WAPL: variants seen among roughly 807,000 people sequenced by gnomAD.
WAPL encodes WAPL cohesin release factor.
Under a neutral mutation model 121.0 loss-of-function variants are expected in WAPL, and 5 were observed. The observed-to-expected ratio is 0.04, with a 90% CI of 0.02 to 0.09. The LOEUF (loss-of-function observed/expected upper bound fraction) is 0.09. Ranked by LOEUF, WAPL falls within the 10% of genes least tolerant of loss-of-function variation. The pLI is 1.00. For synonymous variants in WAPL, 480 were observed against 481.5 expected (o/e 1.00, Z 0.04); for missense variants, 999 against 1,410.8 (o/e 0.71, Z 4.68).
intron 4 of WAPL, among the ~76,000 whole-genome samples, chr10:86,483,204 C>T (rs7095263): frequency 0.87 from 132,921 of 152,080 alleles, 58,542 homozygotes; most frequent in Non-Finnish European, 0.92. Flanking sequence ...GTGGATCACC[C>T]GAGGTCGGGA....
chr10:86,474,505 C>T (rs898475145), intron 4 of WAPL, among the ~76,000 whole-genome samples: 8 of 119,670 alleles, frequency 6.7e-5, no homozygotes, highest in Admixed American at 3.5e-4. Context: ...CAGAGTGAGA[C>T]TCCGTCTCAA....
chr10:86,491,062 T>G (rs866026670), intron 4 of WAPL, among the ~76,000 whole-genome samples: 7 of 148,314 alleles, frequency 4.7e-5, no homozygotes, highest in African/African-American at 1.5e-4. Context: ...GACTCTGTCT[T>G]AAATAAATAA....
At position 86,499,770 on chromosome 10, in the gene WAPL, G is replaced by C. The variant is rs374320302; in HGVS notation, c.1473C>G (p.Pro491=). 5 of 1,603,526 alleles carry C rather than the reference G, an allele frequency of 3.1e-6. No homozygotes were observed. In the African/African-American group the frequency reaches 4.1e-5, roughly 13 times the overall value. Reference sequence around the variant, plus strand: ...CCTGGGAATTATCATTGCTTTCTGGGGGAGGCTGCAAGGAGGGTGATGGAG... The same window carrying C: ...CCTGGGAATTATCATTGCTTTCTGGCGGAGGCTGCAAGGAGGGTGATGGAG... ...KTAPSPSLQP[P]PESNDNSQDS... Residue 491 remains proline (P), a synonymous_variant, in exon 3 of 19, where the codon CCC becomes CCG. Coordinates refer to ENST00000298767, the MANE Select transcript of WAPL (RefSeq NM_015045.5).
intron 16 of WAPL, 57 bp from the exon 17 acceptor site, chr10:86,443,420 AAACC>A (rs1410893307): frequency 6.8e-7 from 1 of 1,471,694 alleles, no homozygotes; most frequent in Non-Finnish European, 9.4e-7. Context: ...AAACCTCACA[AAACC>A]AACCATTCTG....
At chr10:86,458,901 C>T in intron 12 of WAPL, 88 bp downstream of exon 12, 1 of 1,056,330 alleles carries the variant, frequency 9.5e-7, no homozygotes, top group Non-Finnish European at 1.4e-6. Context: ...ATGGAGGAAG[C>T]TAATCCAAAT....
chr10:86,512,294 T>A (rs1026296605), intron 2 of WAPL, among the ~76,000 whole-genome samples: 3 of 152,230 alleles, frequency 2.0e-5, no homozygotes, highest in African/African-American at 7.2e-5. Context: ...ATTAAAAAAA[T>A]TTATTGGCTA....
At chr10:86,499,242 T>C (rs965765979) in intron 3 of WAPL, among the ~76,000 whole-genome samples, 2 of 152,214 alleles carry the variant, frequency 1.3e-5, no homozygotes. Context: ...ACACTTGAAA[T>C]GCTGTACCTT....
At chr10:86,476,207 T>C (rs1408474065) in intron 4 of WAPL, among the ~76,000 whole-genome samples, 2 of 149,134 alleles carry the variant, frequency 1.3e-5, no homozygotes, top group Non-Finnish European at 3.0e-5. Flanking sequence ...CTACTAAAAA[T>C]ACAAAAAATT....
chr10:86,515,542 G>A (rs1464006303), intron 2 of WAPL, among the ~76,000 whole-genome samples: 1 of 152,082 alleles, frequency 6.6e-6, no homozygotes, highest in Non-Finnish European at 1.5e-5. Context: ...CAGCACTTTG[G>A]GAGGCCTAGA....
At chr10:86,493,509 T>C (rs925436764) in intron 4 of WAPL, among the ~76,000 whole-genome samples, 2 of 152,098 alleles carry the variant, frequency 1.3e-5, no homozygotes, top group African/African-American at 4.8e-5. Context: ...TCACATTTTC[T>C]GTATATTTCA....
chr10:86,500,889 T>C, intron 2 of WAPL, 146 bp from the exon 3 acceptor site: 1 of 744,484 alleles, frequency 1.3e-6, no homozygotes, highest in Non-Finnish European at 2.1e-6. Context: ...AACATTTACA[T>C]ATCAGACATT....
At chr10:86,438,848 T>C (rs1849391878) in intron 17 of WAPL, among the ~76,000 whole-genome samples, 2 of 152,202 alleles carry the variant, frequency 1.3e-5, no homozygotes, top group African/African-American at 4.8e-5. Flanking sequence ...AACCCTTCAT[T>C]ATTAGCAAGA....
chr10:86,464,078 T>C (rs763802625), intron 9 of WAPL, among the ~76,000 whole-genome samples: 51 of 152,334 alleles, frequency 3.3e-4, no homozygotes, highest in Middle Eastern at 3.4e-3. Flanking sequence ...AAATTATCTT[T>C]TCATGGCACA....
chr10:86,499,643 T>C lies in WAPL; in HGVS notation c.1525+75A>G, dbSNP rs550781672. On this transcript the variant is annotated intron_variant, in intron 3 of 18. Coordinates refer to ENST00000298767, the MANE Select transcript of WAPL (RefSeq NM_015045.5). ...TCAGAATATGGTTGACCTTGGGTAA[T>C]TGAAACCACAGAAAGTGAAACTGCA... The C allele has an allele frequency of 5.7e-5, 84 of 1,468,710 alleles. No individual in the cohort carries two copies. In the Admixed American group the frequency reaches 6.1e-4, roughly 11 times the overall value. The allele number at this position is 1,468,710 out of a possible 1,614,324, so 91.0% of individuals were successfully genotyped here.
chr10:86,446,023 A>G (rs976859705), intron 16 of WAPL, among the ~76,000 whole-genome samples: 3 of 152,136 alleles, frequency 2.0e-5, no homozygotes, highest in Non-Finnish European at 4.4e-5. Context: ...ACTTAACTGG[A>G]TCTTTCCCGT....
rs1849613078 is a variant in WAPL, at chr10:86,446,187, A to C, written c.3322+55T>G. 5.3e-5 allele frequency: 84 copies of C among 1,594,228 alleles called. 1 individual carries two copies. The South Asian group carries it at 9.3e-4, about 18-fold the overall frequency. ...GCAAATTAAAATAGTTTGAAGAAAAAAACAAAATCAAACCACTATCTTCAA... is the reference window on the plus strand; with the variant it reads ...GCAAATTAAAATAGTTTGAAGAAAACAACAAAATCAAACCACTATCTTCAA... On this transcript the variant is annotated intron_variant, in intron 16 of 18. Transcript: ENST00000298767.
rs1272759477 is a variant in WAPL at position 86,435,876 on chromosome 10, T to C, written c.*1667A>G. On this transcript the variant is annotated 3_prime_UTR_variant, in exon 19 of 19. Coordinates refer to ENST00000298767, the MANE Select transcript of WAPL (RefSeq NM_015045.5). ...GTATTTTGCATTTTAAAATAAAATA[T>C]AACTAATTTAATTTTACGGGTATCA... is the stretch of plus-strand genomic sequence containing the variant. 2.0e-5 allele frequency: 3 copies of C among 152,194 alleles called. No homozygotes were observed. Among genetic ancestry groups the C allele is most frequent in the Non-Finnish European group, 2.9e-5 (2 of 68,024 alleles). The allele number at this position is 152,194 out of a possible 1,614,324, so 9.4% of individuals were successfully genotyped here. A position where few individuals can be genotyped will look rare whatever the true frequency, so the allele number is the denominator to read the frequency against.
intron 1 of WAPL, among the ~76,000 whole-genome samples, chr10:86,520,492 T>A (rs781579966): frequency 6.6e-6 from 1 of 152,130 alleles, no homozygotes; most frequent in Non-Finnish European, 1.5e-5. Context: ...TTATATAATA[T>A]CTCCTCCTGA....
intron 2 of WAPL, among the ~76,000 whole-genome samples, chr10:86,515,185 CGA>C (rs1346440202): frequency 1.3e-5 from 2 of 150,916 alleles, no homozygotes; most frequent in East Asian, 3.9e-4. Flanking sequence ...TGCTTGAACC[CGA>C]GAGGCGGAGG....
Sources: gnomAD v4.1 joint callset for allele counts (sites outside exome capture counted in the v4.1 genomes callset) on GRCh38, gnomAD v4.1.1 for gene constraint, MANE v1.5 for transcripts, NCBI Gene and HGNC (gene_info 2026-07-23, HGNC 2026-07-21) for gene names.